The following DRC1 variants were observed in gnomAD, a reference collection of about 807,000 sequenced individuals.
The protein encoded by DRC1 is dynein regulatory complex protein 1.
DRC1 carries 74 observed loss-of-function variants against 98.7 expected under a neutral mutation model. That is an observed-to-expected ratio of 0.75 (90% CI 0.62 to 0.91). DRC1 has a LOEUF of 0.91. Ranked by LOEUF, DRC1 falls within the 40% of genes least tolerant of loss-of-function variation. The pLI is 0.00. For synonymous variants in DRC1, 336 were observed against 334.1 expected, an observed-to-expected ratio of 1.01 and a Z score of -0.06; for missense variants, 875 against 886.0, an observed-to-expected ratio of 0.99 and a Z score of 0.16.
chr2:26,454,208 A>T lies in DRC1; in HGVS notation c.1920-439A>T, dbSNP rs1664081728. Among the ~76,000 whole-genome samples the T allele has an allele frequency of 6.6e-6, 1 of 152,114 alleles. No individual in the cohort carries two copies. The highest frequency in any genetic ancestry group is 2.1e-4 in the South Asian group (1 of 4,822). On this transcript the variant is annotated intron_variant, in intron 14 of 16. Transcript: ENST00000288710. This position sits in a 1 kb window ranked among gnomAD's most constrained non-coding sequence, Gnocchi z 5.2. ...ATTAGCCTTGCGTTTTAGAGAGATCATTGTGGCGTCAGGGAAGGGGCGAAG... is the reference window on the plus strand; with the variant it reads ...ATTAGCCTTGCGTTTTAGAGAGATCTTTGTGGCGTCAGGGAAGGGGCGAAG...
chr2:26,444,249 A>T lies in DRC1; in HGVS notation c.1056A>T (p.Arg352Ser). The T allele has an allele frequency of 6.2e-7, 1 of 1,614,168 alleles. No homozygotes were observed. The highest frequency in any genetic ancestry group is 8.5e-7 in the Non-Finnish European group (1 of 1,180,040). Residue 352 changes from arginine (R) to serine (S), a missense_variant, in exon 9 of 17, where the codon AGA (arginine) becomes AGT (serine). Coordinates refer to ENST00000288710, the MANE Select transcript of DRC1 (RefSeq NM_145038.5). ...NRLHDILNNLRSKYAKQIKQF... is the reference protein window; with the variant it reads ...NRLHDILNNLSSKYAKQIKQF... ...TGCATGATATACTTAACAATCTGAG[A>T]TCAAAATATGCCAAGCAAATAAAGC...
In DRC1 at chr2:26,456,562, G is replaced by C. The variant is rs11886898; in HGVS notation, c.*45G>C. 6.2e-7 allele frequency: 1 copy of C among 1,611,270 alleles called. No individual in the cohort carries two copies. ...ATGTGTTAGGGCTGGCCTGATGCTG[G>C]TGTCTGTGCCGGAGCCAGCTCATAT... On this transcript the variant is annotated 3_prime_UTR_variant, in exon 17 of 17. Coordinates refer to ENST00000288710, the MANE Select transcript of DRC1 (RefSeq NM_145038.5).
rs767635504 is a variant in DRC1 at position 26,444,736 on chromosome 2, A to G, written c.1184A>G (p.Asp395Gly). 9.3e-6 allele frequency: 15 copies of G among 1,614,024 alleles called. No individual in the cohort carries two copies. Among genetic ancestry groups the G allele is most frequent in the Non-Finnish European group, 1.3e-5 (15 of 1,180,038 alleles). ...CACAGGCATTTTGCTCTTATTGATG[A>G]TGAGAAGTTTTGGGAGATTTGGCTG... ...KAMRHFALIDDEKFWEIWLMN... is the reference protein window; with the variant it reads ...KAMRHFALIDGEKFWEIWLMN... The change falls in exon 10 of 17, where the codon GAT becomes GGT. Residue 395 changes from aspartate (D) to glycine (G), a missense_variant. Physicochemically the swap from Asp to Gly is moderately conservative, Grantham distance 94. Transcript: ENST00000288710.
chr2:26,414,040 G>A (rs1194772803), intron 1 of DRC1, among the ~76,000 whole-genome samples: 1 of 151,404 alleles, frequency 6.6e-6, no homozygotes, highest in Non-Finnish European at 1.5e-5. Flanking sequence ...TAACAGGTGT[G>A]AGCCACTGCA....
intron 2 of DRC1, among the ~76,000 whole-genome samples, chr2:26,419,765 C>A (rs377040878): frequency 1.3e-5 from 2 of 152,146 alleles, no homozygotes; most frequent in Non-Finnish European, 2.9e-5. Flanking sequence ...TAAGGATACT[C>A]GAACTTTTTG....
intron 1 of DRC1, among the ~76,000 whole-genome samples, chr2:26,403,842 T>C (rs986658599): frequency 6.8e-6 from 1 of 147,122 alleles, no homozygotes; most frequent in Non-Finnish European, 1.5e-5. Context: ...GGCTCATGCC[T>C]GTAATCCCAA....
chr2:26,443,708 A>G (rs1663777662), intron 8 of DRC1, among the ~76,000 whole-genome samples: 1 of 152,256 alleles, frequency 6.6e-6, no homozygotes, highest in Non-Finnish European at 1.5e-5. Context: ...ATGAGTGAAT[A>G]AATGAATGAA....
intron 10 of DRC1, 21 bp downstream of exon 10, chr2:26,444,969 G>C: frequency 6.2e-7 from 1 of 1,609,616 alleles, no homozygotes; most frequent in South Asian, 1.1e-5. Context: ...CACTGTCATA[G>C]AGCCTTAGAG....
chr2:26,448,342 A>G (rs1025506029), intron 10 of DRC1: 2 of 502,954 alleles, frequency 4.0e-6, no homozygotes, highest in Admixed American at 2.3e-5. Context: ...TTGCTAGATC[A>G]TCTCTGAAAT....
chr2:26,431,949 G>C lies in DRC1; in HGVS notation c.831G>C (p.Arg277Ser), dbSNP rs1198198817. The part of the protein sequence containing the change: ...EDYEKQLNRQ[R>S]IWDCEEYNMI... ...ATGAGAAGCAGCTGAACAGGCAGAG[G>C]ATCTGGGATTGCGAAGAATACAACA... Residue 277 changes from arginine (R) to serine (S), a missense_variant, in exon 7 of 17, where the codon AGG (arginine) becomes AGC (serine). Coordinates refer to ENST00000288710, the MANE Select transcript of DRC1 (RefSeq NM_145038.5). The C allele has an allele frequency of 1.2e-6, 2 of 1,614,218 alleles. No individual in the cohort carries two copies. Among genetic ancestry groups the C allele is most frequent in the Non-Finnish European group, 1.7e-6 (2 of 1,180,032 alleles).
intron 10 of DRC1, among the ~76,000 whole-genome samples, chr2:26,447,258 C>A (rs1055249781): frequency 6.7e-6 from 1 of 150,042 alleles, no homozygotes; most frequent in African/African-American, 2.5e-5. Context: ...ACTAAAAATA[C>A]AAAAATTAGC....
rs967982955 is a variant in DRC1 at position 26,409,093 on chromosome 2, G to A, written c.156-5251G>A. Among the ~76,000 whole-genome samples the A allele has an allele frequency of 4.6e-5, 7 of 151,400 alleles. No individual in the cohort carries two copies. The East Asian group carries it at 5.8e-4, about 13-fold the overall frequency. ...ACTACAGGTGCAGGCCACCATGCCC[G>A]GCTAATTTTTTTTTTTTTTTTAGAG... On this transcript the variant is annotated intron_variant, in intron 1 of 16. Transcript: ENST00000288710.
In DRC1 at chr2:26,455,182, G is replaced by T. The variant is rs375773717; in HGVS notation, c.2115G>T (p.Glu705Asp). 64 of 1,614,024 alleles carry T rather than the reference G, an allele frequency of 4.0e-5. No individual in the cohort carries two copies. The highest frequency in any genetic ancestry group is 4.0e-5 in the African/African-American group (3 of 74,934). Reference sequence around the variant, plus strand: ...TGCTGCTGGAAAACAGTTCTCTGGAGCAGCAGAACACAGAGCTGCAGGCGC... The same window carrying T: ...TGCTGCTGGAAAACAGTTCTCTGGATCAGCAGAACACAGAGCTGCAGGCGC... The part of the protein sequence containing the change: ...AKLLLENSSL[E>D]QQNTELQALL... Residue 705 changes from glutamate (E) to aspartate (D), a missense_variant, in exon 16 of 17, where the codon GAG (glutamate) becomes GAT (aspartate). Coordinates refer to ENST00000288710, the MANE Select transcript of DRC1 (RefSeq NM_145038.5).
chr2:26,433,312 C>T (rs372836388), intron 7 of DRC1, among the ~76,000 whole-genome samples: 7 of 152,268 alleles, frequency 4.6e-5, no homozygotes, highest in East Asian at 1.9e-4. Context: ...AGCTTTTCCA[C>T]GAAGCTTTTG....
intron 4 of DRC1, among the ~76,000 whole-genome samples, chr2:26,427,667 T>C (rs1405781220): frequency 1.3e-5 from 2 of 152,150 alleles, no homozygotes; most frequent in African/African-American, 4.8e-5. Flanking sequence ...CTAGATCTTA[T>C]TCATTCTAAC....
intron 2 of DRC1, among the ~76,000 whole-genome samples, chr2:26,416,747 C>T (rs1328715826): frequency 1.3e-5 from 2 of 152,184 alleles, no homozygotes; most frequent in South Asian, 2.1e-4. Flanking sequence ...TTCGTTTCTA[C>T]ATTCTCCATT....
At chr2:26,430,943 C>A in intron 6 of DRC1, 71 bp downstream of exon 6, 2 of 1,022,084 alleles carry the variant, frequency 2.0e-6, no homozygotes, top group Non-Finnish European at 2.8e-6. Flanking sequence ...AATTTGCTAG[C>A]TAGCCTTTTT....
chr2:26,456,225 CG>C (rs1217883634), intron 16 of DRC1, among the ~76,000 whole-genome samples: 1 of 152,084 alleles, frequency 6.6e-6, no homozygotes, highest in African/African-American at 2.4e-5. Context: ...AGAGAATGGA[CG>C]GGCGGGAGAT....
chr2:26,424,496 C>A (rs765539544), intron 4 of DRC1, 42 bp downstream of exon 4: 1 of 1,564,740 alleles, frequency 6.4e-7, no homozygotes, highest in Non-Finnish European at 8.7e-7. Flanking sequence ...AGGGGATCTG[C>A]CTGGGATTTA....
Sources: gnomAD v4.1 joint callset for allele counts (sites outside exome capture counted in the v4.1 genomes callset) on GRCh38, gnomAD v4.1.1 for gene constraint, Gnocchi (gnomAD v3.1) non-coding constraint, MANE v1.5 for transcripts, NCBI Gene and HGNC (gene_info 2026-07-23, HGNC 2026-07-21) for gene names.